TAFA5: variants seen among roughly 807,000 people sequenced by gnomAD.
TAFA5 encodes TAFA chemokine like family member 5, also known as chemokine-like protein TAFA-5.
In TAFA5, 6 loss-of-function variants were observed where a neutral mutation model predicts 15.3. The ratio of observed to expected loss-of-function variants is 0.39; its 90% CI spans 0.21 to 0.77. The LOEUF is 0.77. Among genes scored for constraint, TAFA5 ranks in the 30% least tolerant of loss-of-function variants. The pLI, the probability that TAFA5 is intolerant of heterozygous loss-of-function variation, is 0.41. For missense variants in TAFA5, 161 were observed against 193.1 expected (o/e 0.83, Z 0.98); for synonymous variants, 103 against 80.7 (o/e 1.28, Z -1.48).
At chr22:48,536,504 G>T (rs1340977625) in intron 1 of TAFA5, among the ~76,000 whole-genome samples, 1 of 152,236 alleles carries the variant, frequency 6.6e-6, no homozygotes, top group Non-Finnish European at 1.5e-5. Context: ...GGCGTGCGCC[G>T]TGGCTGACGA....
At chr22:48,676,153 G>A (rs371531491) in intron 2 of TAFA5, among the ~76,000 whole-genome samples, 10 of 152,348 alleles carry the variant, frequency 6.6e-5, no homozygotes, top group South Asian at 2.1e-4. Flanking sequence ...AGATCCAGCC[G>A]TGTCCCCAGC....
intron 1 of TAFA5, among the ~76,000 whole-genome samples, chr22:48,575,500 G>A (rs1412798117): frequency 1.4e-5 from 2 of 146,096 alleles, no homozygotes; most frequent in Non-Finnish European, 3.0e-5. Context: ...AGCCGGCGCC[G>A]AGCCGAGCGG....
chr22:48,498,894 C>T (rs146096042), intron 1 of TAFA5, among the ~76,000 whole-genome samples: 2 of 152,242 alleles, frequency 1.3e-5, no homozygotes, highest in Non-Finnish European at 2.9e-5. Flanking sequence ...GACTCAATAC[C>T]AGCAGGGTGG....
chr22:48,622,187 A>G (rs1925862469), intron 1 of TAFA5, among the ~76,000 whole-genome samples: 2 of 152,148 alleles, frequency 1.3e-5, no homozygotes, highest in African/African-American at 4.8e-5. Context: ...ACCATGTGGT[A>G]TTCAGGGTCA....
chr22:48,516,144 T>A (rs1287873137), intron 1 of TAFA5, among the ~76,000 whole-genome samples: 1 of 152,096 alleles, frequency 6.6e-6, no homozygotes, highest in Non-Finnish European at 1.5e-5. Flanking sequence ...TGCCATTAAC[T>A]TTATGACGCG....
At chr22:48,534,990 G>A (rs1922104518) in intron 1 of TAFA5, among the ~76,000 whole-genome samples, 1 of 152,044 alleles carries the variant, frequency 6.6e-6, no homozygotes, top group Non-Finnish European at 1.5e-5. Context: ...GGCCACTCGT[G>A]GGTCCCCAGC....
intron 3 of TAFA5, among the ~76,000 whole-genome samples, chr22:48,737,507 CT>C (rs1335368121): frequency 5.3e-5 from 8 of 152,192 alleles, no homozygotes; most frequent in African/African-American, 7.2e-5. Context: ...GTGGTCGCCC[CT>C]GATGCCAGCC....
At chr22:48,588,157 A>G (rs1319466720) in intron 1 of TAFA5, among the ~76,000 whole-genome samples, 1 of 152,220 alleles carries the variant, frequency 6.6e-6, no homozygotes, top group East Asian at 1.9e-4. Flanking sequence ...GAGAAGGGTC[A>G]TCTTGGCAGA....
In TAFA5 at chr22:48,552,753, T is replaced by A. The variant is rs1329760663; in HGVS notation, c.112+63049T>A. Among the ~76,000 whole-genome samples, 1 of 152,072 alleles carries A rather than the reference T, an allele frequency of 6.6e-6. No individual in the cohort carries two copies. The highest frequency in any genetic ancestry group is 6.5e-5 in the Admixed American group (1 of 15,278). On this transcript the variant is annotated intron_variant, in intron 1 of 3. Coordinates refer to ENST00000402357, the MANE Select transcript of TAFA5 (RefSeq NM_001082967.3). This position sits in a 1 kb window ranked among gnomAD's most constrained non-coding sequence, Gnocchi z 4.1. ...AAAAACCTTAAATAAACATTTATCATCCTCCGAGGGGCCCGGCCAGGCTCC... is the reference window on the plus strand; with the variant it reads ...AAAAACCTTAAATAAACATTTATCAACCTCCGAGGGGCCCGGCCAGGCTCC...
intron 1 of TAFA5, among the ~76,000 whole-genome samples, chr22:48,597,238 C>G (rs1924798190): frequency 1.3e-5 from 2 of 152,234 alleles, no homozygotes; most frequent in South Asian, 2.1e-4. Context: ...CCAGGAACAC[C>G]TGCTGCCCCC....
intron 2 of TAFA5, among the ~76,000 whole-genome samples, chr22:48,670,126 C>G (rs957639284): frequency 6.6e-6 from 1 of 152,212 alleles, no homozygotes; most frequent in Non-Finnish European, 1.5e-5. Context: ...TAGATCCTCT[C>G]AGAGGACAGC....
At chr22:48,576,329 G>T in intron 1 of TAFA5, 2 of 1,196,040 alleles carry the variant, frequency 1.7e-6, no homozygotes, top group Non-Finnish European at 2.1e-6. Flanking sequence ...GCCTCCCGGA[G>T]TGGCGCCTCC....
chr22:48,735,874 G>A (rs62699160), intron 3 of TAFA5, among the ~76,000 whole-genome samples: 3 of 13,638 alleles, frequency 2.2e-4, no homozygotes, highest in African/African-American at 6.2e-4. Flanking sequence ...TCCATCCCCC[G>A]CAGGAGGAAT....
chr22:48,708,515 G>A (rs1317296982), intron 3 of TAFA5, among the ~76,000 whole-genome samples: 1 of 152,322 alleles, frequency 6.6e-6, no homozygotes, highest in Non-Finnish European at 1.5e-5. Context: ...GGCATGCCAC[G>A]GATGCTGAGG....
chr22:48,593,092 G>T (rs548296389), intron 1 of TAFA5, among the ~76,000 whole-genome samples: 1 of 152,222 alleles, frequency 6.6e-6, no homozygotes, highest in African/African-American at 2.4e-5. Flanking sequence ...GACAGGAGCC[G>T]CAGCAGACGC....
chr22:48,645,203 T>A (rs1225880462), intron 1 of TAFA5, among the ~76,000 whole-genome samples: 2 of 152,172 alleles, frequency 1.3e-5, no homozygotes, highest in Non-Finnish European at 2.9e-5. Flanking sequence ...AGGGCAGATT[T>A]GGGCAGCACT....
In TAFA5 at chr22:48,720,702, C is replaced by T. The variant is rs563711008; in HGVS notation, c.390+12858C>T. Reference sequence around the variant, plus strand: ...TTCCCAGAAGTTCTCATTATGTTCACAATGGAAATGCAATGCCTTGGTCCC... The same window carrying T: ...TTCCCAGAAGTTCTCATTATGTTCATAATGGAAATGCAATGCCTTGGTCCC... On this transcript the variant is annotated intron_variant, in intron 3 of 3. Coordinates refer to ENST00000402357, the MANE Select transcript of TAFA5 (RefSeq NM_001082967.3). Among the ~76,000 whole-genome samples, 6 of 152,282 alleles carry T rather than the reference C, an allele frequency of 3.9e-5. No homozygotes were observed. The South Asian group carries it at 1.2e-3, about 32-fold the overall frequency.
At chr22:48,601,995 CCAG>C (rs932983478) in intron 1 of TAFA5, among the ~76,000 whole-genome samples, 32 of 152,204 alleles carry the variant, frequency 2.1e-4, no homozygotes, top group African/African-American at 7.5e-4. Flanking sequence ...CATGCACCTT[CCAG>C]TCCCTGTGAG....
intron 1 of TAFA5, among the ~76,000 whole-genome samples, chr22:48,494,565 T>C (rs972781303): frequency 6.6e-6 from 1 of 152,130 alleles, no homozygotes; most frequent in African/African-American, 2.4e-5. Context: ...GCCCATAGCG[T>C]CTGGTGTGTC....
Sources: gnomAD v4.1 joint callset for allele counts (sites outside exome capture counted in the v4.1 genomes callset) on GRCh38, gnomAD v4.1.1 for gene constraint, Gnocchi (gnomAD v3.1) non-coding constraint, MANE v1.5 for transcripts, NCBI Gene and HGNC (gene_info 2026-07-23, HGNC 2026-07-21) for gene names.